The following CCDC125 variants were observed in gnomAD, a reference collection of about 807,000 sequenced individuals.
The protein encoded by CCDC125 is coiled-coil domain containing 125.
In CCDC125, 43 loss-of-function variants were observed where a neutral mutation model predicts 57.4. That is an observed-to-expected ratio of 0.75 (90% CI 0.59 to 0.97). The LOEUF (loss-of-function observed/expected upper bound fraction) is 0.97, where lower values mean the gene tolerates loss of function less well. CCDC125 is among the 50% of genes least tolerant of loss of function. The probability of loss-of-function intolerance (pLI) is 0.00; values close to 1 mark genes in which losing one functional copy is unlikely to be tolerated. For synonymous variants in CCDC125, 187 were observed against 195.2 expected (o/e 0.96, Z 0.35); for missense variants, 563 against 595.7 (o/e 0.95, Z 0.57).
At chr5:69,316,583 G>A (rs1459879891) in intron 2 of CCDC125, among the ~76,000 whole-genome samples, 1 of 152,210 alleles carries the variant, frequency 6.6e-6, no homozygotes, top group Admixed American at 6.5e-5. Context: ...TTTTCCCACA[G>A]AGAGAGGGTC....
At chr5:69,328,781 T>A (rs1046940004) in intron 1 of CCDC125, among the ~76,000 whole-genome samples, 6 of 151,966 alleles carry the variant, frequency 3.9e-5, no homozygotes, top group Non-Finnish European at 5.9e-5. Context: ...GGTTCCTTCA[T>A]ACTTTATACG....
intron 8 of CCDC125, among the ~76,000 whole-genome samples, chr5:69,298,151 G>A (rs1400501093): frequency 6.6e-6 from 1 of 151,902 alleles, no homozygotes; most frequent in Non-Finnish European, 1.5e-5. Flanking sequence ...GAGTAGCTGG[G>A]ATTACAGGCA....
Position 69,314,015 on chromosome 5 carries a change from T to C in CCDC125, c.336A>G (p.Glu112=). The change falls in exon 3 of 12, where the codon GAA becomes GAG. Residue 112 remains glutamate, a synonymous_variant. Coordinates refer to ENST00000396496, the MANE Select transcript of CCDC125 (RefSeq NM_176816.5). ...VDSNSELSNE[E]LRQCLNETLE... Reference sequence around the variant, plus strand: ...AAGTTTCATTAAGACATTGCCTTAATTCTTCATTTGACAATTCTGAATTCG... The same window carrying C: ...AAGTTTCATTAAGACATTGCCTTAACTCTTCATTTGACAATTCTGAATTCG... 6.2e-7 allele frequency: 1 copy of C among 1,610,492 alleles called. No homozygotes were observed.
intron 3 of CCDC125, 79 bp from the exon 4 acceptor site, chr5:69,311,283 T>C: frequency 1.2e-6 from 1 of 816,562 alleles, no homozygotes; most frequent in South Asian, 1.6e-5. Context: ...AGTCTACATT[T>C]ACCCTTGGCT....
intron 8 of CCDC125, among the ~76,000 whole-genome samples, chr5:69,297,561 T>C (rs1755580273): frequency 6.7e-6 from 1 of 149,130 alleles, no homozygotes; most frequent in East Asian, 2.0e-4. Flanking sequence ...TTTCTCCGTG[T>C]TGGTCAGGCT....
At chr5:69,299,388 C>A (rs541586735) in intron 8 of CCDC125, among the ~76,000 whole-genome samples, 4 of 152,202 alleles carry the variant, frequency 2.6e-5, no homozygotes. Flanking sequence ...GGATTACAGG[C>A]GTGAGCCACC....
intron 4 of CCDC125, 174 bp downstream of exon 4, chr5:69,310,944 G>A: frequency 2.4e-6 from 1 of 416,532 alleles, no homozygotes; most frequent in Non-Finnish European, 4.3e-6. Flanking sequence ...GAATTGTAGT[G>A]TACATTTACA....
At chr5:69,322,130 C>T (rs925498881) in intron 1 of CCDC125, among the ~76,000 whole-genome samples, 27 of 151,860 alleles carry the variant, frequency 1.8e-4, no homozygotes, top group African/African-American at 5.8e-4. Flanking sequence ...CATGAGCCAC[C>T]GCGCCCAGCT....
downstream of CCDC125, among the ~76,000 whole-genome samples, chr5:69,275,914 A>G (rs1752084598): frequency 6.6e-6 from 1 of 152,248 alleles, no homozygotes; most frequent in African/African-American, 2.4e-5. Context: ...TACGTCATGT[A>G]TATGCAAATA....
At chr5:69,315,604 A>G (rs1580182700) in intron 2 of CCDC125, among the ~76,000 whole-genome samples, 1 of 151,476 alleles carries the variant, frequency 6.6e-6, no homozygotes, top group Non-Finnish European at 1.5e-5. Flanking sequence ...TAACAAATAC[A>G]AAAATTAGCC....
intron 7 of CCDC125, among the ~76,000 whole-genome samples, chr5:69,302,227 G>C (rs1410299089): frequency 6.6e-6 from 1 of 151,480 alleles, no homozygotes. Context: ...TTTGAGACCA[G>C]CCTGGTCAAC....
intron 1 of CCDC125, among the ~76,000 whole-genome samples, chr5:69,329,250 G>T (rs539303341): frequency 5.3e-5 from 8 of 151,892 alleles, no homozygotes. Flanking sequence ...CTGCAGCCTC[G>T]ACCTCTGGGC....
chr5:69,287,416 A>G (rs569508903), intron 10 of CCDC125, among the ~76,000 whole-genome samples: 6 of 151,902 alleles, frequency 3.9e-5, no homozygotes, highest in Admixed American at 3.3e-4. Flanking sequence ...GGCTTGTGCC[A>G]CCACACCCAG....
intron 3 of CCDC125, 97 bp from the exon 4 acceptor site, chr5:69,311,301 C>G (rs1758099135): frequency 1.5e-6 from 1 of 662,150 alleles, no homozygotes; most frequent in East Asian, 3.0e-5. Context: ...GCTCAAACCA[C>G]TTACAAATGT....
intron 9 of CCDC125, chr5:69,293,998 T>C (rs1754921922): frequency 1.7e-5 from 3 of 180,034 alleles, no homozygotes; most frequent in Admixed American, 6.5e-5. Flanking sequence ...CTTAATATAG[T>C]AGGAAAACTA....
At chr5:69,314,084 A>G in intron 2 of CCDC125, 38 bp from the exon 3 acceptor site, 4 of 1,369,560 alleles carry the variant, frequency 2.9e-6, no homozygotes, top group Non-Finnish European at 4.2e-6. Context: ...TAGGGGAAAA[A>G]TTTTGAATAT....
intron 8 of CCDC125, among the ~76,000 whole-genome samples, chr5:69,296,360 G>A (rs919712655): frequency 2.0e-5 from 3 of 150,878 alleles, no homozygotes; most frequent in African/African-American, 7.3e-5. Flanking sequence ...GAAACCAGCC[G>A]GACCAACATG....
intron 6 of CCDC125, 134 bp from the exon 7 acceptor site, chr5:69,304,063 C>A: frequency 1.8e-6 from 1 of 543,600 alleles, no homozygotes; most frequent in Non-Finnish European, 3.2e-6. Context: ...GGAATTTACA[C>A]GTATCACAAA....
At chr5:69,325,825 CAAAAAA>C (rs70992925) in intron 1 of CCDC125, among the ~76,000 whole-genome samples, 2 of 35,632 alleles carry the variant, frequency 5.6e-5, no homozygotes, top group Non-Finnish European at 5.4e-5. Flanking sequence ...CCCTCTGTCT[CAAAAAA>C]AAAAAAAAAA....
Sources: gnomAD v4.1 joint callset for allele counts (sites outside exome capture counted in the v4.1 genomes callset) on GRCh38, gnomAD v4.1.1 for gene constraint, MANE v1.5 for transcripts, NCBI Gene and HGNC (gene_info 2026-07-23, HGNC 2026-07-21) for gene names.